The following GPR108 variants were observed in gnomAD, a reference collection of about 807,000 sequenced individuals.
GPR108 encodes protein GPR108.
A neutral mutation model predicts 74.3 loss-of-function variants in GPR108; 60 were observed. That is an observed-to-expected ratio of 0.81 (90% CI 0.66 to 1.00). The LOEUF is 1.00. Ranked by LOEUF, GPR108 falls within the 50% of genes least tolerant of loss-of-function variation. The pLI is 0.00. For synonymous variants in GPR108, 311 were observed against 292.4 expected (o/e 1.06, Z -0.65); for missense variants, 667 against 703.3 (o/e 0.95, Z 0.58).
chr19:6,732,177 G>A (rs1220796390), intron 12 of GPR108, 22 bp from the exon 13 acceptor site: 1 of 1,612,904 alleles, frequency 6.2e-7, no homozygotes, highest in Non-Finnish European at 8.5e-7. Context: ...GCGGGGGTGG[G>A]TGGGCACTGC....
At chr19:6,733,502 A>T (rs1968506843) in intron 8 of GPR108, 68 bp downstream of exon 8, 1 of 1,498,832 alleles carries the variant, frequency 6.7e-7, no homozygotes, top group Non-Finnish European at 9.3e-7. Context: ...AAGCGGGGTG[A>T]GGCACTCTGG....
chr19:6,735,498 A>G, intron 4 of GPR108, 124 bp downstream of exon 4: 1 of 826,732 alleles, frequency 1.2e-6, no homozygotes, highest in Non-Finnish European at 2.0e-6. Flanking sequence ...TGAAGGCAAA[A>G]CTAAAAAGTA....
At chr19:6,737,305 G>A in intron 1 of GPR108, 152 bp downstream of exon 1, 4 of 1,009,662 alleles carry the variant, frequency 4.0e-6, no homozygotes, top group Non-Finnish European at 5.5e-6. Context: ...GGGATCCCGG[G>A]ACGAGACCAC....
Position 6,735,891 on chromosome 19 carries a change from C to T in GPR108, c.291+17G>A, listed in dbSNP as rs1353297485. ...CCTCCAGCCCCTTCTCCCGTCTTCC[C>T]CATGCCCTCCACTCACTGAATAGGA... On this transcript the variant is annotated intron_variant, in intron 3 of 17. Transcript: ENST00000264080. The T allele has an allele frequency of 1.2e-6, 2 of 1,610,344 alleles. No individual in the cohort carries two copies. Among genetic ancestry groups the T allele is most frequent in the Non-Finnish European group, 1.7e-6 (2 of 1,178,002 alleles).
intron 17 of GPR108, 62 bp from the exon 18 acceptor site, chr19:6,730,446 C>T: frequency 1.4e-6 from 2 of 1,420,290 alleles, no homozygotes; most frequent in Non-Finnish European, 2.0e-6. Flanking sequence ...CCCACTCTAC[C>T]CGGAACCACT....
At chr19:6,734,438 T>C in intron 4 of GPR108, 131 bp from the exon 5 acceptor site, 1 of 835,146 alleles carries the variant, frequency 1.2e-6, no homozygotes, top group Non-Finnish European at 1.8e-6. Flanking sequence ...GAGTCAGTTA[T>C]CACTGAGTTT....
rs1968421297 is a variant in GPR108, at chr19:6,731,901, T to C, written c.1290A>G (p.Thr430=). The C allele has an allele frequency of 1.9e-6, 3 of 1,612,576 alleles. No homozygotes were observed. The highest frequency in any genetic ancestry group is 3.3e-5 in the Admixed American group (2 of 59,860). ...GGCGCAGGGCCTCACCCTTCCCGTC[T>C]GTGCCAGACGCATCCTGGAGATGCC... is the stretch of plus-strand genomic sequence containing the variant. ...SIRHLQDASG[T]DGKVAVNLAK... The change falls in exon 14 of 18, where the codon ACA becomes ACG. Residue 430 remains threonine (T), a synonymous_variant. Transcript: ENST00000264080.
intron 8 of GPR108, 122 bp downstream of exon 8, chr19:6,733,448 G>T (rs1968504753): frequency 7.7e-7 from 1 of 1,292,214 alleles, no homozygotes; most frequent in East Asian, 2.4e-5. Context: ...TCTCAAATGG[G>T]TATAACAGCT....
intron 1 of GPR108, 187 bp from the exon 2 acceptor site, chr19:6,736,898 G>C (rs965728625): frequency 2.6e-6 from 2 of 756,490 alleles, no homozygotes; most frequent in Non-Finnish European, 2.1e-6. Context: ...TGCATTCTCC[G>C]ACCTCTGTTC....
At chr19:6,736,500 T>C in intron 2 of GPR108, 92 bp downstream of exon 2, 1 of 1,320,302 alleles carries the variant, frequency 7.6e-7, no homozygotes. Flanking sequence ...ACGGGACTTG[T>C]ACAAGATCAC....
At chr19:6,731,429 C>T (rs2145464139) in intron 15 of GPR108, 44 bp downstream of exon 15, 2 of 1,514,130 alleles carry the variant, frequency 1.3e-6, no homozygotes, top group Non-Finnish European at 1.8e-6. Context: ...GTGCAGCAGG[C>T]CGGTAATCCC....
At chr19:6,730,505 C>T (rs1968348088) in intron 17 of GPR108, 121 bp from the exon 18 acceptor site, 1 of 798,314 alleles carries the variant, frequency 1.3e-6, no homozygotes. Context: ...GCCTTGCCCA[C>T]TCTACCCCAG....
Position 6,735,899 on chromosome 19 carries a change from T to A in GPR108, c.291+9A>T. Reference sequence around the variant, plus strand: ...CCCTTCTCCCGTCTTCCCCATGCCCTCCACTCACTGAATAGGAGCGAACTC... The same window carrying A: ...CCCTTCTCCCGTCTTCCCCATGCCCACCACTCACTGAATAGGAGCGAACTC... On this transcript the variant is annotated intron_variant, in intron 3 of 17. Transcript: ENST00000264080. 6.2e-7 allele frequency: 1 copy of A among 1,610,820 alleles called. No individual in the cohort carries two copies. The highest frequency in any genetic ancestry group is 8.5e-7 in the Non-Finnish European group (1 of 1,178,436).
Position 6,731,480 on chromosome 19 carries a change from T to C in GPR108, c.1343A>G (p.Tyr448Cys). Reference sequence around the variant, plus strand: ...AGTGAGGCGGGCTCCTACCATGACATAGTAATGCCGGAACAGCTTCAGCTT... The same window carrying C: ...AGTGAGGCGGGCTCCTACCATGACACAGTAATGCCGGAACAGCTTCAGCTT... ...LAKLKLFRHYYVMVICYVYFT... is the reference protein window; with the variant it reads ...LAKLKLFRHYCVMVICYVYFT... Residue 448 changes from tyrosine to cysteine, a missense_variant, in exon 15 of 18, where the codon TAT becomes TGT. By Grantham distance (194) the Tyr-to-Cys change is radical. Coordinates refer to ENST00000264080, the MANE Select transcript of GPR108 (RefSeq NM_001080452.2). The C allele has an allele frequency of 6.5e-7, 1 of 1,541,030 alleles. No homozygotes were observed. The highest frequency in any genetic ancestry group is 2.0e-5 in the Admixed American group (1 of 48,940).
intron 14 of GPR108, 29 bp downstream of exon 14, chr19:6,731,862 G>A: frequency 6.2e-7 from 1 of 1,610,242 alleles, no homozygotes; most frequent in Non-Finnish European, 8.5e-7. Context: ...GGGGCCATGA[G>A]CAGAGGGCCT....
At position 6,733,207 on chromosome 19, in the gene GPR108, G is replaced by A. The variant is rs759245443; in HGVS notation, c.818C>T (p.Ala273Val). 15 of 1,613,974 alleles carry A rather than the reference G, an allele frequency of 9.3e-6. No individual in the cohort carries two copies. Among genetic ancestry groups the A allele is most frequent in the East Asian group, 2.2e-5 (1 of 44,894 alleles). ...GATGGACACCCAGAAGATGCCAGCG[G>A]CCAGGAAGCAGGCGGACATGACCAT... ...LYMVMSACFL[A>V]AGIFWVSILC... is the part of the protein sequence containing the mutation. The change falls in exon 9 of 18, where the codon GCC (alanine) becomes GTC (valine). Residue 273 changes from alanine (A) to valine (V), a missense_variant. Physicochemically the swap from Ala to Val is moderately conservative, Grantham distance 64. Transcript: ENST00000264080.
chr19:6,732,898 C>A, intron 10 of GPR108, 89 bp downstream of exon 10: 1 of 1,232,954 alleles, frequency 8.1e-7, no homozygotes, highest in Non-Finnish European at 1.1e-6. Flanking sequence ...ATGGCCCTCC[C>A]ACAGGCCCAG....
Position 6,733,283 on chromosome 19 carries a change from T to C in GPR108, c.742A>G (p.Asn248Asp), listed in dbSNP as rs1968497391. 2 of 1,613,238 alleles carry C rather than the reference T, an allele frequency of 1.2e-6. No individual in the cohort carries two copies. Among genetic ancestry groups the C allele is most frequent in the Non-Finnish European group, 1.7e-6 (2 of 1,179,764 alleles). ...FDITVMIREK[N>D]PDGFLSAAEM... ...GCTGCCGACAGGAAGCCATCGGGGT[T>C]CTTCTCCCGGATCATCACCTGCGGA... Residue 248 changes from asparagine to aspartate, a missense_variant, in exon 9 of 18, where the codon AAC becomes GAC. Coordinates refer to ENST00000264080, the MANE Select transcript of GPR108 (RefSeq NM_001080452.2).
Position 6,731,476 on chromosome 19 carries a change from GACATAGTAATGCCGGA to G in GPR108, c.1331_1346del (p.Phe444SerfsTer72), listed in dbSNP as rs1968398651. The G allele has an allele frequency of 3.3e-6, 5 of 1,521,758 alleles. No homozygotes were observed. The highest frequency in any genetic ancestry group is 4.4e-6 in the Non-Finnish European group (5 of 1,134,010). 94.3% of individuals were successfully genotyped at this position (1,521,758 alleles called of 1,614,324 possible). A position where few individuals can be genotyped will look rare whatever the true frequency, so the allele number is the denominator to read the frequency against. ...TGTGAGTGAGGCGGGCTCCTACCAT[GACATAGTAATGCCGGA>G]ACAGCTTCAGCTTGGCCAGGTTCAC... On this transcript the variant is annotated frameshift_variant, in exon 15 of 18. Coordinates refer to ENST00000264080, the MANE Select transcript of GPR108 (RefSeq NM_001080452.2). LOFTEE classifies it high-confidence loss of function.
Sources: gnomAD v4.1 joint callset for allele counts on GRCh38, gnomAD v4.1.1 for gene constraint, MANE v1.5 for transcripts, NCBI Gene and HGNC (gene_info 2026-07-23, HGNC 2026-07-21) for gene names.